The following ARHGAP10 variants were observed in gnomAD, a reference collection of about 807,000 sequenced individuals.
ARHGAP10 encodes Rho GTPase activating protein 10.
Under a neutral mutation model 108.6 loss-of-function variants are expected in ARHGAP10, and 87 were observed. That is an observed-to-expected ratio of 0.80 (90% confidence interval 0.67 to 0.96). The LOEUF (loss-of-function observed/expected upper bound fraction) is 0.96, where lower values mean the gene tolerates loss of function less well. Among genes scored for constraint, ARHGAP10 ranks in the 40% least tolerant of loss-of-function variants. ARHGAP10 has a pLI of 0.00. For synonymous variants in ARHGAP10, 347 were observed against 341.1 expected (o/e 1.02, Z -0.19); for missense variants, 939 against 954.5 (o/e 0.98, Z 0.21).
At position 147,895,063 on chromosome 4, in the gene ARHGAP10, A is replaced by C. The variant is rs868722330; in HGVS notation, c.1035-11575A>C. On this transcript the variant is annotated intron_variant, in intron 10 of 22. Transcript: ENST00000336498. Reference sequence around the variant, plus strand: ...CAAAACCCATAGGTCAATATTGTGAATATAGAACCTTACAGTTCATGAACT... The same window carrying C: ...CAAAACCCATAGGTCAATATTGTGACTATAGAACCTTACAGTTCATGAACT... Among the ~76,000 whole-genome samples the C allele has an allele frequency of 2.4e-4, 37 of 152,326 alleles. 1 individual carries two copies. Among genetic ancestry groups the C allele is most frequent in the Middle Eastern group, 6.8e-3 (2 of 294 alleles).
At chr4:147,795,543 G>A (rs1287585903) in intron 1 of ARHGAP10, among the ~76,000 whole-genome samples, 3 of 152,022 alleles carry the variant, frequency 2.0e-5, no homozygotes, top group Admixed American at 6.6e-5. Context: ...GTTTACAAAC[G>A]CAACTTCTGG....
intron 4 of ARHGAP10, among the ~76,000 whole-genome samples, chr4:147,853,298 G>T (rs775885225): frequency 1.3e-5 from 2 of 152,100 alleles, no homozygotes; most frequent in South Asian, 4.1e-4. Context: ...GCCACGAATC[G>T]GTTTTTATTT....
chr4:147,783,103 TTA>T (rs1228803798), intron 1 of ARHGAP10, among the ~76,000 whole-genome samples: 12 of 143,104 alleles, frequency 8.4e-5, no homozygotes, highest in African/African-American at 2.5e-4. Flanking sequence ...ATTATGTAAA[TTA>T]TATGTTAAAT....
intron 1 of ARHGAP10, among the ~76,000 whole-genome samples, chr4:147,799,797 C>T (rs1413473554): frequency 5.3e-5 from 8 of 152,142 alleles, no homozygotes; most frequent in Admixed American, 4.6e-4. Flanking sequence ...TGATTTATCT[C>T]AGGGTTAGGG....
At chr4:147,931,286 C>T (rs113834404) in intron 13 of ARHGAP10, among the ~76,000 whole-genome samples, 6 of 145,864 alleles carry the variant, frequency 4.1e-5, no homozygotes, top group African/African-American at 1.3e-4. Context: ...ACTATCAGAA[C>T]GAATCTCAAT....
chr4:147,946,302 G>A (rs1479242485), intron 14 of ARHGAP10: 1 of 244,654 alleles, frequency 4.1e-6, no homozygotes, highest in Non-Finnish European at 7.7e-6. Flanking sequence ...TACTGTTAAC[G>A]ATGATGATGA....
At chr4:147,910,061 G>A (rs763454694) in intron 12 of ARHGAP10, among the ~76,000 whole-genome samples, 15 of 152,012 alleles carry the variant, frequency 9.9e-5, no homozygotes, top group African/African-American at 3.6e-4. Flanking sequence ...AGGCTGCAGT[G>A]CAGTGGCATG....
chr4:147,882,380 T>A (rs1011687691), intron 10 of ARHGAP10, among the ~76,000 whole-genome samples: 6 of 151,728 alleles, frequency 4.0e-5, no homozygotes, highest in Non-Finnish European at 8.8e-5. Context: ...GGAGAACCAT[T>A]TGAACCCAGG....
intron 13 of ARHGAP10, among the ~76,000 whole-genome samples, chr4:147,922,300 T>G (rs1560827875): frequency 6.6e-6 from 1 of 151,252 alleles, no homozygotes; most frequent in East Asian, 1.9e-4. Flanking sequence ...TGCCTTTGAG[T>G]GATAAGGACC....
chr4:147,873,681 A>AACACACACACACACACACACACAC (rs67852364), intron 7 of ARHGAP10, among the ~76,000 whole-genome samples: 2,151 of 98,668 alleles, frequency 0.022, 97 homozygotes, highest in East Asian at 0.038. Flanking sequence ...CAAAAAACAA[A>AACACACACACACACACACACACAC]ACACACACAC....
chr4:147,792,923 G>A (rs1731172890), intron 1 of ARHGAP10, among the ~76,000 whole-genome samples: 1 of 152,190 alleles, frequency 6.6e-6, no homozygotes, highest in South Asian at 2.1e-4. Context: ...GCCGAGGCAG[G>A]CGGATCACTT....
At chr4:147,999,508 G>C (rs1295460696) in intron 18 of ARHGAP10, among the ~76,000 whole-genome samples, 1 of 152,212 alleles carries the variant, frequency 6.6e-6, no homozygotes, top group Non-Finnish European at 1.5e-5. Context: ...CAGGGTGTCT[G>C]CTGTGCTCCT....
At chr4:147,740,202 T>G (rs1320916920) in intron 1 of ARHGAP10, among the ~76,000 whole-genome samples, 2 of 151,722 alleles carry the variant, frequency 1.3e-5, no homozygotes, top group African/African-American at 4.9e-5. Flanking sequence ...GTATTATAGG[T>G]GTGTGCCACC....
chr4:147,793,166 G>A lies in ARHGAP10; in HGVS notation c.155-29561G>A, dbSNP rs190835472. ...AAAAAGAAAATGTGTGTGTATGTAT[G>A]TGTGTGTGTGTGTGCATATATGTGT... On this transcript the variant is annotated intron_variant, in intron 1 of 22. Coordinates refer to ENST00000336498, the MANE Select transcript of ARHGAP10 (RefSeq NM_024605.4). Among the ~76,000 whole-genome samples the A allele has an allele frequency of 3.1e-3, 463 of 150,998 alleles. 2 individuals carry two copies. Among genetic ancestry groups the A allele is most frequent in the African/African-American group, 0.01 (427 of 41,246 alleles).
intron 1 of ARHGAP10, among the ~76,000 whole-genome samples, chr4:147,791,295 A>G (rs1036838697): frequency 1.3e-5 from 2 of 151,884 alleles, no homozygotes; most frequent in Non-Finnish European, 2.9e-5. Flanking sequence ...TATTTTTAGC[A>G]GAGACAGGGT....
intron 1 of ARHGAP10, among the ~76,000 whole-genome samples, chr4:147,797,216 C>A (rs1379928874): frequency 6.7e-6 from 1 of 148,926 alleles, no homozygotes; most frequent in Non-Finnish European, 1.5e-5. Context: ...TTTTTTTTTT[C>A]TTTTGGTATC....
intron 18 of ARHGAP10, among the ~76,000 whole-genome samples, chr4:148,006,002 G>A (rs913570451): frequency 6.6e-6 from 1 of 152,172 alleles, no homozygotes; most frequent in African/African-American, 2.4e-5. Flanking sequence ...CAGAGATATG[G>A]GGGTCTAAGT....
chr4:147,858,829 C>T (rs138717577), intron 5 of ARHGAP10, among the ~76,000 whole-genome samples: 14 of 152,340 alleles, frequency 9.2e-5, no homozygotes, highest in African/African-American at 3.1e-4. Context: ...AAGTGAATTT[C>T]CAAATCCACT....
At chr4:147,988,167 C>G (rs1335201242) in intron 18 of ARHGAP10, among the ~76,000 whole-genome samples, 1 of 151,128 alleles carries the variant, frequency 6.6e-6, no homozygotes, top group Non-Finnish European at 1.5e-5. Flanking sequence ...ACAGATGGAG[C>G]GTGTGTGTCT....
Sources: gnomAD v4.1 joint callset for allele counts (sites outside exome capture counted in the v4.1 genomes callset) on GRCh38, gnomAD v4.1.1 for gene constraint, MANE v1.5 for transcripts, NCBI Gene and HGNC (gene_info 2026-07-23, HGNC 2026-07-21) for gene names.